POC1B: variants seen among roughly 807,000 people sequenced by gnomAD.
POC1B encodes the protein POC1 centriolar protein homolog B.
A neutral mutation model predicts 60.6 loss-of-function variants in POC1B; 44 were observed. The ratio of observed to expected loss-of-function variants is 0.73; its 90% CI spans 0.57 to 0.93. The LOEUF is 0.93. Among genes scored for constraint, POC1B ranks in the 40% least tolerant of loss-of-function variants. The pLI is 0.00. For missense variants in POC1B, 555 were observed against 572.3 expected (o/e 0.97, Z 0.31); for synonymous variants, 180 against 198.9 (o/e 0.90, Z 0.80).
At chr12:89,472,114 A>G in intron 5 of POC1B, 54 bp downstream of exon 5, 1 of 1,155,982 alleles carries the variant, frequency 8.7e-7, no homozygotes, top group Non-Finnish European at 1.3e-6. Context: ...TGTTATAATC[A>G]AACGTCTCCT....
chr12:89,411,457 T>C, the POC1B span, among the ~76,000 whole-genome samples: 2 of 152,354 alleles, frequency 1.3e-5, no homozygotes, highest in South Asian at 2.1e-4. Flanking sequence ...TGAGCTTTGA[T>C]GTGCTCTCTT....
chr12:89,404,475 C>T, the POC1B span, among the ~76,000 whole-genome samples: 3 of 152,152 alleles, frequency 2.0e-5, no homozygotes, highest in South Asian at 2.1e-4. Flanking sequence ...AAAGCAGAGA[C>T]ACAAAATGAA....
chr12:89,510,395 C>G (rs956635009), intron 2 of POC1B, among the ~76,000 whole-genome samples: 3 of 152,166 alleles, frequency 2.0e-5, no homozygotes, highest in African/African-American at 7.2e-5. Flanking sequence ...ACATCCAGCC[C>G]TGCATGGTCA....
chr12:89,405,919 A>G, the POC1B span, among the ~76,000 whole-genome samples: 4 of 151,516 alleles, frequency 2.6e-5, no homozygotes, highest in African/African-American at 7.3e-5. Flanking sequence ...TGACTGTGCC[A>G]CTGCACTCCC....
At chr12:89,487,315 T>G (rs926218479) in intron 4 of POC1B, among the ~76,000 whole-genome samples, 5 of 152,226 alleles carry the variant, frequency 3.3e-5, no homozygotes, top group African/African-American at 7.2e-5. Context: ...GCTTGAGCAC[T>G]GCTACCAGAA....
chr12:89,520,635 A>C (rs1870771435), intron 2 of POC1B: 1 of 152,230 alleles, frequency 6.6e-6, no homozygotes, highest in Non-Finnish European at 1.5e-5. Context: ...TTTACGAGGC[A>C]AAAGAGAAAA....
intron 4 of POC1B, among the ~76,000 whole-genome samples, chr12:89,483,753 A>C (rs1023806925): frequency 6.6e-6 from 1 of 152,226 alleles, no homozygotes; most frequent in Non-Finnish European, 1.5e-5. Flanking sequence ...TACAAAGGAT[A>C]AACAAGAAGT....
chr12:89,499,262 A>C (rs1454494758), intron 2 of POC1B, among the ~76,000 whole-genome samples: 2 of 152,200 alleles, frequency 1.3e-5, no homozygotes, highest in Non-Finnish European at 2.9e-5. Flanking sequence ...AGAAAACCAA[A>C]TACCGTATGT....
intron 2 of POC1B, among the ~76,000 whole-genome samples, chr12:89,516,363 A>C (rs1467286862): frequency 6.6e-6 from 1 of 152,184 alleles, no homozygotes; most frequent in East Asian, 1.9e-4. Flanking sequence ...TTCCCATGAC[A>C]CTAAATACCA....
At chr12:89,498,220 A>G (rs1339096873) in intron 2 of POC1B, among the ~76,000 whole-genome samples, 1 of 152,246 alleles carries the variant, frequency 6.6e-6, no homozygotes, top group Non-Finnish European at 1.5e-5. Flanking sequence ...GATGATTAAT[A>G]AAAGAATTAA....
chr12:89,414,544 T>G, the POC1B span, among the ~76,000 whole-genome samples: 1 of 152,228 alleles, frequency 6.6e-6, no homozygotes, highest in Non-Finnish European at 1.5e-5. Context: ...TACATTGTGT[T>G]CCTAGATTCA....
chr12:89,416,481 C>T (rs1348944277), downstream of POC1B, among the ~76,000 whole-genome samples: 1 of 152,026 alleles, frequency 6.6e-6, no homozygotes, highest in Non-Finnish European at 1.5e-5. Context: ...GAGGCATGCT[C>T]GGAAAATAAC....
chr12:89,523,615 C>T (rs1157032854), intron 2 of POC1B: 1 of 1,553,884 alleles, frequency 6.4e-7, no homozygotes, highest in Non-Finnish European at 8.7e-7. Context: ...AGCAAACAGT[C>T]CTCCAGCCAT....
At chr12:89,456,646 C>CT (rs34611592) in intron 10 of POC1B, among the ~76,000 whole-genome samples, 3,570 of 148,836 alleles carry the variant, frequency 0.024, 63 homozygotes, top group Non-Finnish European at 0.039. Flanking sequence ...TTTACAGAAA[C>CT]TTTTTTTTTT....
downstream of POC1B, among the ~76,000 whole-genome samples, chr12:89,416,636 A>G (rs1174877286): frequency 6.6e-6 from 1 of 152,208 alleles, no homozygotes; most frequent in African/African-American, 2.4e-5. Flanking sequence ...GGAGTAGTGT[A>G]TGTCTGCTTC....
At chr12:89,501,612 G>A in intron 2 of POC1B, 2 of 1,361,826 alleles carry the variant, frequency 1.5e-6, no homozygotes, top group South Asian at 1.3e-5. Flanking sequence ...TTTCTAGTGA[G>A]TCCAAGAACA....
rs746802389 is a variant in POC1B, at chr12:89,459,677, A to G, written c.1074T>C (p.Thr358=). 2 of 1,534,344 alleles carry G rather than the reference A, an allele frequency of 1.3e-6. No individual in the cohort carries two copies. The highest frequency in any genetic ancestry group is 2.8e-5 in the African/African-American group (2 of 70,802). ...AAGAAAGGATATCCATAACAGGGGGAGTAGAGATCTGCAAATCGATTACCT... is the reference window on the plus strand; with the variant it reads ...AAGAAAGGATATCCATAACAGGGGGGGTAGAGATCTGCAAATCGATTACCT... ...KLEVIDLQIS[T]PPVMDILSFD... The change falls in exon 10 of 12, where the codon ACT becomes ACC. Residue 358 remains threonine, a synonymous_variant. Coordinates refer to ENST00000313546, the MANE Select transcript of POC1B (RefSeq NM_172240.3).
intron 2 of POC1B, among the ~76,000 whole-genome samples, chr12:89,512,904 T>C (rs1870255978): frequency 6.6e-6 from 1 of 152,142 alleles, no homozygotes; most frequent in African/African-American, 2.4e-5. Context: ...TTTATAAGAT[T>C]CCAAAGCCTA....
intron 2 of POC1B, chr12:89,524,206 T>C (rs1268497386): frequency 6.2e-7 from 1 of 1,614,024 alleles, no homozygotes; most frequent in South Asian, 1.1e-5. Flanking sequence ...ATCCTCTATG[T>C]GTCGATGCAG....
Sources: gnomAD v4.1 joint callset for allele counts (sites outside exome capture counted in the v4.1 genomes callset) on GRCh38, gnomAD v4.1.1 for gene constraint, MANE v1.5 for transcripts, NCBI Gene and HGNC (gene_info 2026-07-23, HGNC 2026-07-21) for gene names.